Variants in EGFL6 observed in about 807,000 individuals in gnomAD.
EGFL6 encodes the protein EGF like domain multiple 6.
In EGFL6, 42 loss-of-function variants were observed where a neutral mutation model predicts 43.1. The ratio of observed to expected loss-of-function variants is 0.98; its 90% CI spans 0.76 to 1.26. The LOEUF (loss-of-function observed/expected upper bound fraction) is 1.26, where lower values mean the gene tolerates loss of function less well. Among genes scored for constraint, EGFL6 ranks in the 50% most tolerant of loss-of-function variants. EGFL6 has a pLI of 0.00. For missense variants in EGFL6, 429 were observed against 427.8 expected (o/e 1.00, Z -0.02); for synonymous variants, 164 against 163.2 (o/e 1.01, Z -0.04).
At chrX:13,597,552 G>A (rs1382821237) in intron 3 of EGFL6, among the ~76,000 whole-genome samples, 5 of 111,869 alleles carry the variant, frequency 4.5e-5, no homozygotes, top group Non-Finnish European at 9.4e-5. Context: ...GGGAGGTCGA[G>A]GTGGGTGGAT....
At chrX:13,608,609 C>T (rs760751484) in intron 7 of EGFL6, among the ~76,000 whole-genome samples, 163 bp downstream of exon 7, 1 of 111,831 alleles carries the variant, frequency 8.9e-6, no homozygotes, top group African/African-American at 3.2e-5. Flanking sequence ...TCTGCCTCAG[C>T]CTTCTCTTCT....
chrX:13,608,300 G>A (rs376308744), intron 6 of EGFL6, 24 bp from the exon 7 acceptor site: 495 of 1,206,995 alleles, frequency 4.1e-4, no homozygotes, highest in Middle Eastern at 1.6e-3. Context: ...CCACAGAGTC[G>A]TTCACTGGAA....
chrX:13,593,805 G>C (rs1443903846), intron 2 of EGFL6, among the ~76,000 whole-genome samples: 1 of 111,879 alleles, frequency 8.9e-6, no homozygotes, highest in Non-Finnish European at 1.9e-5. Flanking sequence ...GTAACTGGTA[G>C]AGGAATGATG....
chrX:13,606,451 A>G lies in EGFL6; in HGVS notation c.593A>G (p.Tyr198Cys), dbSNP rs2045661005. ...AGATGTGTGAACACATTTGGAAGCT[A>G]CTACTGCAAATGTCACATTGGTTTC... ...NRRCVNTFGS[Y>C]YCKCHIGFEL... Residue 198 changes from tyrosine (Y) to cysteine (C), a missense_variant, in exon 6 of 12, where the codon TAC (tyrosine) becomes TGC (cysteine). Physicochemically the swap from Tyr to Cys is radical, Grantham distance 194. Coordinates refer to ENST00000361306, the MANE Select transcript of EGFL6 (RefSeq NM_015507.4). The G allele has an allele frequency of 8.3e-7, 1 of 1,209,578 alleles. No homozygotes were observed. The highest frequency in any genetic ancestry group is 2.3e-4 in the Middle Eastern group (1 of 4,346).
chrX:13,633,157 A>G lies in EGFL6; in HGVS notation c.*62A>G, dbSNP rs2045823232. On this transcript the variant is annotated 3_prime_UTR_variant, in exon 12 of 12. Transcript: ENST00000361306. Reference sequence around the variant, plus strand: ...TCCCTGGTTTTTTTGATATTGCATCATAGGACCTCTGGCATTTTAGAATTA... The same window carrying G: ...TCCCTGGTTTTTTTGATATTGCATCGTAGGACCTCTGGCATTTTAGAATTA... The G allele has an allele frequency of 1.0e-6, 1 of 954,448 alleles. No homozygotes were observed. Among genetic ancestry groups the G allele is most frequent in the South Asian group, 2.3e-5 (1 of 43,867 alleles). 78.7% of individuals were successfully genotyped at this position (954,448 alleles called of 1,213,427 possible).
intron 7 of EGFL6, among the ~76,000 whole-genome samples, chrX:13,609,097 G>A (rs1378124886): frequency 2.7e-5 from 3 of 112,229 alleles, no homozygotes; most frequent in African/African-American, 9.7e-5. Context: ...CAACAATAAA[G>A]GTTTATTTCT....
In EGFL6 at chrX:13,624,720, C is replaced by T. The variant is rs768975694; in HGVS notation, c.1285+795C>T. Among the ~76,000 whole-genome samples the T allele has an allele frequency of 4.5e-5, 5 of 111,939 alleles. No homozygotes were observed. In the East Asian group the frequency reaches 1.4e-3, roughly 31 times the overall value. The stretch of plus-strand genomic sequence containing the variant: ...AATTATTTCTTTGGGGATGTATAGG[C>T]TCAGCCCTCAGTTAAAAGATCTTTC... On this transcript the variant is annotated intron_variant, in intron 10 of 11. Coordinates refer to ENST00000361306, the MANE Select transcript of EGFL6 (RefSeq NM_015507.4).
At chrX:13,626,896 C>T (rs2045783243) in intron 10 of EGFL6, 115 bp from the exon 11 acceptor site, 2 of 807,684 alleles carry the variant, frequency 2.5e-6, no homozygotes, top group South Asian at 5.6e-5. Flanking sequence ...ATGAAAAGGA[C>T]TTCAGCTTTC....
At chrX:13,590,607 C>T (rs905542736) in intron 2 of EGFL6, among the ~76,000 whole-genome samples, 27 of 112,087 alleles carry the variant, frequency 2.4e-4, no homozygotes, top group African/African-American at 8.4e-4. Context: ...CTAGTCTGTT[C>T]CTGCCCCAAC....
At chrX:13,609,527 A>G (rs759733481) in intron 7 of EGFL6, among the ~76,000 whole-genome samples, 21 of 111,317 alleles carry the variant, frequency 1.9e-4, no homozygotes, top group Admixed American at 1.7e-3. Context: ...CCAGGTGGGC[A>G]GATCACCTAA....
rs141123946 is a variant in EGFL6 at position 13,619,759 on chromosome X, A to G, written c.1183+516A>G. ...TGAGCTAGGCTGGGTGGGCTCACTC[A>G]TGTGTCCACATACAGTCAGTTGTGG... On this transcript the variant is annotated intron_variant, in intron 9 of 11. Transcript: ENST00000361306. Among the ~76,000 whole-genome samples the G allele has an allele frequency of 6.6e-3, 737 of 111,514 alleles. 6 individuals carry two copies. Among genetic ancestry groups the G allele is most frequent in the East Asian group, 0.029 (104 of 3,541 alleles).
intron 6 of EGFL6, 49 bp from the exon 7 acceptor site, chrX:13,608,275 T>G: frequency 8.4e-7 from 1 of 1,197,524 alleles, no homozygotes; most frequent in Non-Finnish European, 1.1e-6. Flanking sequence ...GGTGAGTCTT[T>G]CAGCAAGCTC....
chrX:13,611,848 C>G (rs1236851233), intron 7 of EGFL6, among the ~76,000 whole-genome samples: 1 of 112,054 alleles, frequency 8.9e-6, no homozygotes, highest in Non-Finnish European at 1.9e-5. Context: ...TTTCTTTAGT[C>G]TTTCACTGGA....
intron 11 of EGFL6, among the ~76,000 whole-genome samples, chrX:13,628,919 G>T (rs1220820489): frequency 1.8e-5 from 2 of 113,045 alleles, no homozygotes; most frequent in African/African-American, 3.2e-5. Flanking sequence ...AGAGCAATTA[G>T]TAGATCCATG....
intron 9 of EGFL6, among the ~76,000 whole-genome samples, chrX:13,621,174 T>A (rs1446365899): frequency 8.9e-6 from 1 of 112,539 alleles, no homozygotes; most frequent in Non-Finnish European, 1.9e-5. Flanking sequence ...TGGAAGATGA[T>A]CCCAGGAAAT....
intron 7 of EGFL6, among the ~76,000 whole-genome samples, chrX:13,608,759 C>T (rs1022407752): frequency 8.9e-6 from 1 of 112,531 alleles, no homozygotes; most frequent in African/African-American, 3.2e-5. Context: ...AGACACTGAG[C>T]AAATTTATCT....
chrX:13,577,343 C>T (rs199554672), intron 1 of EGFL6, among the ~76,000 whole-genome samples: 105 of 7,509 alleles, frequency 0.014, 1 homozygote, highest in African/African-American at 0.016. Context: ...TATATATATA[C>T]ATACACACAC....
intron 9 of EGFL6, 112 bp from the exon 10 acceptor site, chrX:13,623,712 T>G: frequency 1.9e-6 from 1 of 529,819 alleles, no homozygotes; most frequent in Non-Finnish European, 3.2e-6. Context: ...GGGTATGTCA[T>G]GATCTGTACT....
chrX:13,575,116 AAACAAACAAACAAAC>A (rs753474595), intron 1 of EGFL6: 3,765 of 32,182 alleles, frequency 0.12, 167 homozygotes, highest in African/African-American at 0.39. Context: ...TATTTAAAAC[AAACAAACAAACAAAC>A]AAACAAACAA....
Sources: allele counts gnomAD v4.1 joint callset (sites outside exome capture counted in the v4.1 genomes callset), GRCh38; gene constraint gnomAD v4.1.1; transcripts MANE v1.5; gene names NCBI Gene and HGNC (gene_info 2026-07-23, HGNC 2026-07-21).